CDC42SE2: variants seen among roughly 807,000 people sequenced by gnomAD.
The protein encoded by CDC42SE2 is CDC42 small effector protein 2.
Under a neutral mutation model 11.5 loss-of-function variants are expected in CDC42SE2, and 3 were observed. The observed-to-expected ratio is 0.26, with a 90% confidence interval of 0.12 to 0.67. The LOEUF (loss-of-function observed/expected upper bound fraction) is 0.67, where lower values mean the gene tolerates loss of function less well. CDC42SE2 is among the 30% of genes least tolerant of loss of function. CDC42SE2 has a pLI of 0.80. For synonymous variants in CDC42SE2, 33 were observed against 34.8 expected (o/e 0.95, Z 0.18); for missense variants, 82 against 106.8 (o/e 0.77, Z 1.02).
At chr5:131,328,830 A>G (rs994716331) in intron 2 of CDC42SE2, among the ~76,000 whole-genome samples, 2 of 152,244 alleles carry the variant, frequency 1.3e-5, no homozygotes, top group African/African-American at 4.8e-5. Flanking sequence ...ACCCAGGTCA[A>G]ATAGCCGCCA....
At chr5:131,371,720 C>G (rs1419037105) in intron 3 of CDC42SE2, among the ~76,000 whole-genome samples, 1 of 152,114 alleles carries the variant, frequency 6.6e-6, no homozygotes, top group Non-Finnish European at 1.5e-5. Flanking sequence ...CATTTTAAGA[C>G]CAGTTTTCTT....
chr5:131,365,841 G>C (rs1382903225), intron 3 of CDC42SE2, among the ~76,000 whole-genome samples: 1 of 152,164 alleles, frequency 6.6e-6, no homozygotes, highest in Non-Finnish European at 1.5e-5. Context: ...AATTAGCCGG[G>C]TGTGGTGGCG....
At chr5:131,317,939 A>G (rs999447779) in intron 2 of CDC42SE2, among the ~76,000 whole-genome samples, 1 of 151,516 alleles carries the variant, frequency 6.6e-6, no homozygotes, top group African/African-American at 2.4e-5. Context: ...TTTTTGAGAC[A>G]GGGTCTCACT....
the CDC42SE2 span, among the ~76,000 whole-genome samples, chr5:131,218,236 T>A: frequency 6.7e-6 from 1 of 149,592 alleles, no homozygotes; most frequent in Non-Finnish European, 1.5e-5. Flanking sequence ...AGCATAAGAC[T>A]TGAGTAGACA....
the CDC42SE2 span, among the ~76,000 whole-genome samples, chr5:131,222,946 C>T: frequency 6.6e-6 from 1 of 152,210 alleles, no homozygotes; most frequent in South Asian, 2.1e-4. Flanking sequence ...AAGTCTCCAG[C>T]CCTCTCACCC....
chr5:131,348,864 A>G (rs1758924623), intron 2 of CDC42SE2, among the ~76,000 whole-genome samples: 1 of 152,230 alleles, frequency 6.6e-6, no homozygotes, highest in African/African-American at 2.4e-5. Flanking sequence ...ATCTTTGAGA[A>G]ACCTGACAAA....
At chr5:131,357,794 C>T (rs887510263) in intron 2 of CDC42SE2, among the ~76,000 whole-genome samples, 1 of 152,176 alleles carries the variant, frequency 6.6e-6, no homozygotes, top group African/African-American at 2.4e-5. Flanking sequence ...GTTGACTCTG[C>T]TGCTTTCCTT....
At chr5:131,353,029 C>T (rs1007155655) in intron 2 of CDC42SE2, among the ~76,000 whole-genome samples, 13 of 152,044 alleles carry the variant, frequency 8.6e-5, no homozygotes, top group African/African-American at 2.4e-4. Flanking sequence ...TGCAGTGGCG[C>T]GTCTTGGTGT....
At chr5:131,279,160 A>G (rs928841521) in intron 1 of CDC42SE2, among the ~76,000 whole-genome samples, 1 of 152,208 alleles carries the variant, frequency 6.6e-6, no homozygotes, top group Non-Finnish European at 1.5e-5. Flanking sequence ...TATGGTGGTC[A>G]GTGGAGTTAT....
intron 2 of CDC42SE2, among the ~76,000 whole-genome samples, chr5:131,335,265 A>G (rs1202240979): frequency 6.6e-6 from 1 of 152,162 alleles, no homozygotes; most frequent in Non-Finnish European, 1.5e-5. Context: ...GTTTCCATGT[A>G]GTTGAGTGAT....
At chr5:131,386,297 G>C (rs1750483887) in intron 4 of CDC42SE2, among the ~76,000 whole-genome samples, 1 of 152,224 alleles carries the variant, frequency 6.6e-6, no homozygotes, top group Non-Finnish European at 1.5e-5. Flanking sequence ...CTCAGGCGGT[G>C]ATGCTCACTT....
the CDC42SE2 span, among the ~76,000 whole-genome samples, chr5:131,231,529 T>C: frequency 6.6e-6 from 1 of 152,216 alleles, no homozygotes; most frequent in Admixed American, 6.5e-5. Flanking sequence ...TGGTTGGGAC[T>C]GAATGGTCTA....
At position 131,291,956 on chromosome 5, in the gene CDC42SE2, A is replaced by T. The variant is rs114102485; in HGVS notation, c.-454-24020A>T. On this transcript the variant is annotated intron_variant, in intron 1 of 4. Coordinates refer to ENST00000505065, the MANE Select transcript of CDC42SE2 (RefSeq NM_001375635.1). ...ATTATTAAGCATCTTAAAAATGAGT[A>T]TCTTTGGCTGGGTGTGGTGGCTCAC... is the stretch of plus-strand genomic sequence containing the variant. Among the ~76,000 whole-genome samples the T allele has an allele frequency of 3.5e-3, 532 of 152,206 alleles. 4 individuals carry two copies. Among genetic ancestry groups the T allele is most frequent in the African/African-American group, 0.012 (513 of 41,560 alleles).
chr5:131,372,499 G>A (rs138744665), intron 3 of CDC42SE2, among the ~76,000 whole-genome samples: 2,628 of 152,096 alleles, frequency 0.017, 75 homozygotes, highest in African/African-American at 0.06. Flanking sequence ...GGATCACGAC[G>A]TCAGGAGATA....
chr5:131,295,463 C>T (rs984309546), intron 1 of CDC42SE2, among the ~76,000 whole-genome samples: 5 of 152,108 alleles, frequency 3.3e-5, no homozygotes, highest in Non-Finnish European at 7.3e-5. Flanking sequence ...ACAAGTTCTA[C>T]ATATACAGAA....
intron 2 of CDC42SE2, among the ~76,000 whole-genome samples, chr5:131,334,092 C>A (rs1026701202): frequency 1.1e-4 from 16 of 152,046 alleles, no homozygotes; most frequent in African/African-American, 3.9e-4. Context: ...ATGATATTGG[C>A]TGTGGGTTTG....
chr5:131,233,904 G>A, the CDC42SE2 span, among the ~76,000 whole-genome samples: 32 of 152,216 alleles, frequency 2.1e-4, no homozygotes, highest in East Asian at 5.8e-3. Flanking sequence ...GGGCAACCTT[G>A]AAAGCCTCAT....
chr5:131,318,043 C>T (rs1210722736), intron 2 of CDC42SE2, among the ~76,000 whole-genome samples: 5 of 151,984 alleles, frequency 3.3e-5, no homozygotes, highest in African/African-American at 9.7e-5. Context: ...TGGGCTCAAG[C>T]GATCCTCCTG....
At chr5:131,217,541 A>C in the CDC42SE2 span, among the ~76,000 whole-genome samples, 6 of 152,246 alleles carry the variant, frequency 3.9e-5, no homozygotes, top group Non-Finnish European at 5.9e-5. Flanking sequence ...CATGGGAAAA[A>C]ATATTGGACC....
Sources: allele counts gnomAD v4.1 joint callset (sites outside exome capture counted in the v4.1 genomes callset), GRCh38; gene constraint gnomAD v4.1.1; transcripts MANE v1.5; gene names NCBI Gene and HGNC (gene_info 2026-07-23, HGNC 2026-07-21).